RORB: variants seen among roughly 807,000 people sequenced by gnomAD.
RORB encodes the protein RAR related orphan receptor B.
Under a neutral mutation model 59.1 loss-of-function variants are expected in RORB, and 6 were observed. The observed-to-expected ratio is 0.10, with a 90% CI of 0.06 to 0.20. RORB has a LOEUF of 0.20. RORB is among the 10% of genes least tolerant of loss of function. The pLI is 1.00. For synonymous variants in RORB, 215 were observed against 204.5 expected, an observed-to-expected ratio of 1.05 and a Z score of -0.44; for missense variants, 320 against 560.5, an observed-to-expected ratio of 0.57 and a Z score of 4.33.
chr9:74,564,438 C>T (rs1162507147), intron 1 of RORB, among the ~76,000 whole-genome samples: 1 of 152,194 alleles, frequency 6.6e-6, no homozygotes, highest in African/African-American at 2.4e-5. Flanking sequence ...TGTAGTTTTC[C>T]CTTCTTGCAT....
At chr9:74,658,922 A>G (rs781388823) in intron 4 of RORB, among the ~76,000 whole-genome samples, 6 of 152,256 alleles carry the variant, frequency 3.9e-5, no homozygotes, top group Admixed American at 6.5e-5. Flanking sequence ...CCAATAGAGT[A>G]GAGCTATCAT....
intron 1 of RORB, among the ~76,000 whole-genome samples, chr9:74,624,457 C>T (rs990225259): frequency 2.6e-5 from 4 of 152,206 alleles, no homozygotes; most frequent in Non-Finnish European, 5.9e-5. Context: ...GAATCACCAC[C>T]TTCTAGCATG....
At chr9:74,551,743 TATCTC>T (rs1324087013) in intron 1 of RORB, among the ~76,000 whole-genome samples, 2 of 152,196 alleles carry the variant, frequency 1.3e-5, no homozygotes, top group Admixed American at 1.3e-4. Context: ...TACATGGAAA[TATCTC>T]AGAGTATCTC....
chr9:74,503,834 G>A (rs1185406953), intron 1 of RORB, among the ~76,000 whole-genome samples: 1 of 151,882 alleles, frequency 6.6e-6, no homozygotes, highest in Non-Finnish European at 1.5e-5. Flanking sequence ...CAATATAATA[G>A]GCTATGTTAA....
chr9:74,554,634 A>G (rs1423628813), intron 1 of RORB, among the ~76,000 whole-genome samples: 1 of 152,146 alleles, frequency 6.6e-6, no homozygotes, highest in Admixed American at 6.5e-5. Context: ...ATCTGATCAT[A>G]GCTTCAATAC....
At chr9:74,617,098 A>G (rs1482292156) in intron 1 of RORB, among the ~76,000 whole-genome samples, 1 of 140,968 alleles carries the variant, frequency 7.1e-6, no homozygotes, top group Non-Finnish European at 1.5e-5. Flanking sequence ...CTCCCCCCGC[A>G]AAAAAACTCT....
At chr9:74,575,899 A>G (rs1369040171) in intron 1 of RORB, among the ~76,000 whole-genome samples, 2 of 152,114 alleles carry the variant, frequency 1.3e-5, no homozygotes, top group African/African-American at 4.8e-5. Flanking sequence ...TAAATGAAAA[A>G]GCCCTGTGAA....
chr9:74,572,289 A>C (rs1304901008), intron 1 of RORB, among the ~76,000 whole-genome samples: 1 of 152,184 alleles, frequency 6.6e-6, no homozygotes, highest in Non-Finnish European at 1.5e-5. Flanking sequence ...TATGAAAAAA[A>C]ATATTATGGT....
At chr9:74,520,193 A>G (rs1213291733) in intron 1 of RORB, among the ~76,000 whole-genome samples, 1 of 151,988 alleles carries the variant, frequency 6.6e-6, no homozygotes, top group African/African-American at 2.4e-5. Context: ...TGGGAGGGAT[A>G]GGACCAGACC....
chr9:74,588,471 C>T (rs1284726105), intron 1 of RORB, among the ~76,000 whole-genome samples: 2 of 152,118 alleles, frequency 1.3e-5, no homozygotes, highest in Non-Finnish European at 2.9e-5. Flanking sequence ...TTAATCTACA[C>T]ATAAAATAAT....
chr9:74,613,576 A>C (rs1229307748), intron 1 of RORB, among the ~76,000 whole-genome samples: 2 of 152,164 alleles, frequency 1.3e-5, no homozygotes, highest in Non-Finnish European at 2.9e-5. Context: ...CCACCAAACA[A>C]ATCAATGAAA....
rs1824691060 is a variant in RORB at position 74,688,838 on chromosome 9, G to A, written c.*3220G>A. On this transcript the variant is annotated 3_prime_UTR_variant, in exon 10 of 10. Transcript: ENST00000376896. ...CCAAATAATCTAGCTGTCCCATTCA[G>A]AGGAATTTTTATCTCCCTGCAAATC... 6.6e-6 allele frequency: 1 copy of A among 152,158 alleles called. No homozygotes were observed. The highest frequency in any genetic ancestry group is 2.4e-5 in the African/African-American group (1 of 41,450). 9.4% of individuals were successfully genotyped at this position (152,158 alleles called of 1,614,324 possible). A position where few individuals can be genotyped will look rare whatever the true frequency, so the allele number is the denominator to read the frequency against.
intron 1 of RORB, among the ~76,000 whole-genome samples, chr9:74,624,023 G>A (rs552674374): frequency 1.3e-5 from 2 of 152,262 alleles, no homozygotes; most frequent in South Asian, 4.1e-4. Context: ...GTCCTCTGGG[G>A]AGTGAGCAAA....
In RORB at chr9:74,646,786, G is replaced by A. The variant is rs539875865; in HGVS notation, c.637+3971G>A. On this transcript the variant is annotated intron_variant, in intron 4 of 9. Coordinates refer to ENST00000376896, the MANE Select transcript of RORB (RefSeq NM_006914.4). ...GCCATACACTTGAGAAGAGCAGAAC[G>A]AGGTTTCTGCCCTCACCATCTAGGA... Among the ~76,000 whole-genome samples, 11 of 152,246 alleles carry A rather than the reference G, an allele frequency of 7.2e-5. No homozygotes were observed. The East Asian group carries it at 1.7e-3, about 24-fold the overall frequency.
chr9:74,595,787 GGT>G (rs1822961656), intron 1 of RORB, among the ~76,000 whole-genome samples: 1 of 152,186 alleles, frequency 6.6e-6, no homozygotes, highest in Non-Finnish European at 1.5e-5. Flanking sequence ...GGGAAGAGTA[GGT>G]GGGTGAGGAT....
At chr9:74,541,926 A>G (rs1481999932) in intron 1 of RORB, among the ~76,000 whole-genome samples, 1 of 152,204 alleles carries the variant, frequency 6.6e-6, no homozygotes, top group African/African-American at 2.4e-5. Flanking sequence ...ATTCCTGAGA[A>G]TTAATACTAC....
chr9:74,686,353 T>C lies in RORB; in HGVS notation c.*735T>C, dbSNP rs970130626. On this transcript the variant is annotated 3_prime_UTR_variant, in exon 10 of 10. Transcript: ENST00000376896. ...GAATAAACATAATGTGTGGCCTCTA[T>C]ATACAAACTCTATTTCTGTCAATGA... 1.3e-5 allele frequency: 2 copies of C among 152,646 alleles called. No individual in the cohort carries two copies. 9.5% of individuals were successfully genotyped at this position (152,646 alleles called of 1,614,324 possible). A position where few individuals can be genotyped will look rare whatever the true frequency, so the allele number is the denominator to read the frequency against.
At chr9:74,507,896 A>G (rs1476811531) in intron 1 of RORB, among the ~76,000 whole-genome samples, 1 of 152,068 alleles carries the variant, frequency 6.6e-6, no homozygotes, top group Non-Finnish European at 1.5e-5. Context: ...ACAGTCTGGT[A>G]GAATAGAGGA....
intron 4 of RORB, among the ~76,000 whole-genome samples, chr9:74,644,349 C>CAT (rs1161872578): frequency 2.0e-5 from 3 of 152,206 alleles, no homozygotes; most frequent in Non-Finnish European, 2.9e-5. Context: ...TTATTACTGT[C>CAT]ATCCTTAACT....
Sources: allele counts gnomAD v4.1 joint callset (sites outside exome capture counted in the v4.1 genomes callset), GRCh38; gene constraint gnomAD v4.1.1; transcripts MANE v1.5; gene names NCBI Gene and HGNC (gene_info 2026-07-23, HGNC 2026-07-21).